Variants in DMAC2L observed in about 807,000 individuals in gnomAD.
DMAC2L encodes the protein distal membrane arm assembly component 2 like, also known as ATP synthase subunit s, mitochondrial.
Under a neutral mutation model 22.5 loss-of-function variants are expected in DMAC2L, and 21 were observed. That is an observed-to-expected ratio of 0.93 (90% CI 0.66 to 1.34). The LOEUF (loss-of-function observed/expected upper bound fraction) is 1.34, where lower values mean the gene tolerates loss of function less well. Ranked by LOEUF, DMAC2L falls within the 40% of genes most tolerant of loss-of-function variation. The pLI is 0.00. For synonymous variants in DMAC2L, 86 were observed against 89.5 expected (o/e 0.96, Z 0.22); for missense variants, 239 against 246.5 (o/e 0.97, Z 0.20).
At chr14:50,319,391 T>C (rs1265292823) in intron 2 of DMAC2L, 1 of 1,507,400 alleles carries the variant, frequency 6.6e-7, no homozygotes, top group Non-Finnish European at 8.9e-7. Context: ...TGTTTCCCTC[T>C]CAGGCATCTT....
rs77879028 is a variant in DMAC2L at position 50,325,892 on chromosome 14, T to C, written c.*169T>C. 9.5e-4 allele frequency: 1,208 copies of C among 1,271,388 alleles called. 8 individuals carry two copies. In the African/African-American group the frequency reaches 0.016, roughly 17 times the overall value. 78.8% of individuals were successfully genotyped at this position (1,271,388 alleles called of 1,614,324 possible). A position where few individuals can be genotyped will look rare whatever the true frequency, so the allele number is the denominator to read the frequency against. ...TAAATATTCAGACGTGGCTCATTAA[T>C]GTTACTAAGTTGGAAGTGAGAATTT... On this transcript the variant is annotated 3_prime_UTR_variant, in exon 6 of 6. Coordinates refer to ENST00000557421, the MANE Select transcript of DMAC2L (RefSeq NM_001382507.1).
upstream of DMAC2L, chr14:50,312,101 C>A: frequency 6.2e-7 from 1 of 1,608,296 alleles, no homozygotes; most frequent in Non-Finnish European, 8.5e-7. Flanking sequence ...GGCGAAAAGC[C>A]CGCGGGCCCG....
chr14:50,312,751 A>G (rs1414607190), intron 1 of DMAC2L: 10 of 455,086 alleles, frequency 2.2e-5, no homozygotes, highest in Non-Finnish European at 3.9e-5. Context: ...AGCGTCCACT[A>G]GAAGGGCGCT....
intron 4 of DMAC2L, 41 bp from the exon 5 acceptor site, chr14:50,323,904 A>G (rs779436386): frequency 6.6e-7 from 1 of 1,519,704 alleles, no homozygotes; most frequent in Non-Finnish European, 8.9e-7. Context: ...TTGTCATCTT[A>G]GTGGTAAAGC....
rs980749191 is a variant in DMAC2L at position 50,324,024 on chromosome 14, A to G, written c.396A>G (p.Gln132=). 4.3e-6 allele frequency: 7 copies of G among 1,614,036 alleles called. No individual in the cohort carries two copies. The African/African-American group carries it at 6.7e-5, about 15-fold the overall frequency. The part of the protein sequence containing the change: ...IEDDCLLRLS[Q]LENLQKTILE... ...ATGACTGTTTGCTGAGACTTAGTCA[A>G]CTTGAAAATTTACAAAAAACCATAT... The change falls in exon 5 of 6, where the codon CAA becomes CAG. Residue 132 remains glutamine, a synonymous_variant. Coordinates refer to ENST00000557421, the MANE Select transcript of DMAC2L (RefSeq NM_001382507.1).
chr14:50,312,355 GC>G lies in DMAC2L; in HGVS notation c.-75del. 2 of 667,006 alleles carry G rather than the reference GC, an allele frequency of 3.0e-6. No individual in the cohort carries two copies. The highest frequency in any genetic ancestry group is 5.0e-6 in the Non-Finnish European group (2 of 396,380). The allele number at this position is 667,006 out of a possible 1,614,324, so 41.3% of individuals were successfully genotyped here. A position where few individuals can be genotyped will look rare whatever the true frequency, so the allele number is the denominator to read the frequency against. ...GCCAGGGTGCCGCAGACGCGGGGAC[GC>G]TGGCTCGCTCCCTCCCTCCCTCCCT... On this transcript the variant is annotated 5_prime_UTR_variant, in exon 1 of 6. Transcript: ENST00000557421.
rs548412455 is a variant in DMAC2L at position 50,324,255 on chromosome 14, A to G, written c.488+139A>G. The G allele has an allele frequency of 1.9e-5, 17 of 873,642 alleles. No homozygotes were observed. The African/African-American group carries it at 2.9e-4, about 15-fold the overall frequency. The allele number at this position is 873,642 out of a possible 1,614,324, so 54.1% of individuals were successfully genotyped here. On this transcript the variant is annotated intron_variant, in intron 5 of 5. Transcript: ENST00000557421. Reference sequence around the variant, plus strand: ...AAAAATGACCTCACTTTCATCTGTAATATTTTAAAACAGCTAAAATGATCA... The same window carrying G: ...AAAAATGACCTCACTTTCATCTGTAGTATTTTAAAACAGCTAAAATGATCA...
intron 5 of DMAC2L, 172 bp downstream of exon 5, chr14:50,324,288 T>C: frequency 1.9e-6 from 1 of 539,414 alleles, no homozygotes; most frequent in South Asian, 4.3e-5. Context: ...TCAACCTTAA[T>C]ACATTAATGT....
At chr14:50,313,189 C>T (rs1216148439) in intron 1 of DMAC2L, 3 of 752,280 alleles carry the variant, frequency 4.0e-6, no homozygotes, top group Non-Finnish European at 2.3e-6. Flanking sequence ...TGCTTGATGG[C>T]AGTTTTTAAT....
chr14:50,324,316 A>G, intron 5 of DMAC2L, 200 bp downstream of exon 5: 1 of 400,284 alleles, frequency 2.5e-6, no homozygotes, highest in Non-Finnish European at 4.1e-6. Context: ...AATTTTTTAT[A>G]GAGTATATTT....
At chr14:50,319,935 C>T (rs994593347) in intron 2 of DMAC2L, among the ~76,000 whole-genome samples, 3 of 152,164 alleles carry the variant, frequency 2.0e-5, no homozygotes, top group East Asian at 1.9e-4. Context: ...TATGTAATGT[C>T]ATTCCCATCC....
At chr14:50,317,032 T>C (rs1314942934) in intron 2 of DMAC2L, among the ~76,000 whole-genome samples, 2 of 152,230 alleles carry the variant, frequency 1.3e-5, no homozygotes, top group African/African-American at 2.4e-5. Context: ...AGTATGATCA[T>C]TTTCACAATG....
intron 2 of DMAC2L, among the ~76,000 whole-genome samples, chr14:50,317,748 C>A (rs1269872663): frequency 6.7e-6 from 1 of 150,216 alleles, no homozygotes; most frequent in African/African-American, 2.5e-5. Flanking sequence ...CCAGTCTGGG[C>A]AACAAGAGTG....
chr14:50,325,521 T>C, intron 5 of DMAC2L, 88 bp from the exon 6 acceptor site: 13 of 1,421,800 alleles, frequency 9.1e-6, no homozygotes, highest in Non-Finnish European at 1.1e-5. Flanking sequence ...ATTCATTTTC[T>C]ACATAATTTT....
At chr14:50,318,051 T>A in intron 2 of DMAC2L, among the ~76,000 whole-genome samples, 1 of 152,222 alleles carries the variant, frequency 6.6e-6, no homozygotes, top group East Asian at 1.9e-4. Flanking sequence ...ATAACATTTA[T>A]TGACTTGTGT....
In DMAC2L at chr14:50,312,363, GCTCC is replaced by G. The variant is rs572292843; in HGVS notation, c.-51_-48del. On this transcript the variant is annotated 5_prime_UTR_variant, in exon 1 of 6. Transcript: ENST00000557421. ...GCCGCAGACGCGGGGACGCTGGCTC[GCTCC>G]CTCCCTCCCTCCCTCCGACGCTGTG... 705 of 624,872 alleles carry G rather than the reference GCTCC, an allele frequency of 1.1e-3. No homozygotes were observed. The highest frequency in any genetic ancestry group is 1.7e-3 in the East Asian group (59 of 34,748). The allele number at this position is 624,872 out of a possible 1,614,324, so 38.7% of individuals were successfully genotyped here. A position where few individuals can be genotyped will look rare whatever the true frequency, so the allele number is the denominator to read the frequency against.
Position 50,327,378 on chromosome 14 carries a change from T to C in DMAC2L, c.*1655T>C, listed in dbSNP as rs2032745701. ...GAAAAATAGATAAAACAGGTCTTCATTGTTACCTGTGAGAAATGGCCCTGA... is the reference window on the plus strand; with the variant it reads ...GAAAAATAGATAAAACAGGTCTTCACTGTTACCTGTGAGAAATGGCCCTGA... On this transcript the variant is annotated 3_prime_UTR_variant, in exon 6 of 6. Coordinates refer to ENST00000557421, the MANE Select transcript of DMAC2L (RefSeq NM_001382507.1). 6.6e-6 allele frequency: 1 copy of C among 151,414 alleles called. No homozygotes were observed. Among genetic ancestry groups the C allele is most frequent in the African/African-American group, 2.4e-5 (1 of 41,274 alleles). The allele number at this position is 151,414 out of a possible 1,614,324, so 9.4% of individuals were successfully genotyped here. A position where few individuals can be genotyped will look rare whatever the true frequency, so the allele number is the denominator to read the frequency against.
At position 50,324,081 on chromosome 14, in the gene DMAC2L, C is replaced by T. The variant is rs200003275; in HGVS notation, c.453C>T (p.Ile151=). 16 of 1,613,158 alleles carry T rather than the reference C, an allele frequency of 9.9e-6. No individual in the cohort carries two copies. The highest frequency in any genetic ancestry group is 9.4e-5 in the African/African-American group (7 of 74,844). The change falls in exon 5 of 6, where the codon ATC becomes ATT. Residue 151 remains isoleucine (I), a synonymous_variant. Transcript: ENST00000557421. ...TGGAAATAATATCCTGTGGGAATATCACAGACAAAGGCATCATTGCTTTGC... is the reference window on the plus strand; with the variant it reads ...TGGAAATAATATCCTGTGGGAATATTACAGACAAAGGCATCATTGCTTTGC... The part of the protein sequence containing the change: ...LEMEIISCGN[I]TDKGIIALRH...
chr14:50,322,208 G>T (rs955501869), intron 3 of DMAC2L, among the ~76,000 whole-genome samples: 1 of 152,128 alleles, frequency 6.6e-6, no homozygotes, highest in African/African-American at 2.4e-5. Flanking sequence ...AAGTATCTCT[G>T]GTGTCAAGCA....
Sources: gnomAD v4.1 joint callset for allele counts (sites outside exome capture counted in the v4.1 genomes callset) on GRCh38, gnomAD v4.1.1 for gene constraint, MANE v1.5 for transcripts, NCBI Gene and HGNC (gene_info 2026-07-23, HGNC 2026-07-21) for gene names.